TRIM72: variants seen among roughly 807,000 people sequenced by gnomAD.
The protein encoded by TRIM72 is tripartite motif-containing protein 72.
Under a neutral mutation model 31.6 loss-of-function variants are expected in TRIM72, and 33 were observed. The ratio of observed to expected loss-of-function variants is 1.04; its 90% CI spans 0.79 to 1.40. The LOEUF (loss-of-function observed/expected upper bound fraction) is 1.40, where lower values mean the gene tolerates loss of function less well. TRIM72 is among the 40% of genes most tolerant of loss of function. TRIM72 has a pLI of 0.00. For missense variants in TRIM72, 666 were observed against 682.7 expected, an observed-to-expected ratio of 0.98 and a Z score of 0.27; for synonymous variants, 301 against 314.4, an observed-to-expected ratio of 0.96 and a Z score of 0.45.
Position 31,216,730 on chromosome 16 carries a change from C to T in TRIM72, c.390+1602C>T, listed in dbSNP as rs533900923. ...TTGGCGAGGAAGCGGGGTTGGGTCC[C>T]GAGATCACGTACCAGCTCAGAGTGG... On this transcript the variant is annotated intron_variant, in intron 2 of 6. Transcript: ENST00000322122. The surrounding 1 kb of genome is among the most constrained non-coding windows in gnomAD (Gnocchi z 6.7). 4.4e-5 allele frequency: 70 copies of T among 1,577,298 alleles called. No homozygotes were observed. The South Asian group carries it at 7.9e-4, about 18-fold the overall frequency.
At position 31,214,764 on chromosome 16, in the gene TRIM72, A is replaced by T. The variant is rs1306014013; in HGVS notation, c.26A>T (p.His9Leu). 1 of 1,578,134 alleles carries T rather than the reference A, an allele frequency of 6.3e-7. No individual in the cohort carries two copies. Among genetic ancestry groups the T allele is most frequent in the Non-Finnish European group, 8.5e-7 (1 of 1,172,044 alleles). Reference protein sequence around the residue: MSAAPGLLHQELSCPLCLQ... With the variant: MSAAPGLLLQELSCPLCLQ... ...ATGTCGGCTGCGCCCGGCCTCCTGC[A>T]CCAGGAGCTGTCCTGCCCGCTGTGC... Residue 9 changes from histidine to leucine, a missense_variant, in exon 2 of 7, where the codon CAC becomes CTC. His to Leu is a moderately conservative substitution (Grantham distance 99). Transcript: ENST00000322122.
Position 31,219,593 on chromosome 16 carries a change from T to C in TRIM72, c.717+74T>C. On this transcript the variant is annotated intron_variant, in intron 4 of 6. Coordinates refer to ENST00000322122, the MANE Select transcript of TRIM72 (RefSeq NM_001008274.4). The surrounding 1 kb of genome is among the most constrained non-coding windows in gnomAD (Gnocchi z 4.2). ...CCAGAGACCTCATCCCATTGTCAGA[T>C]AGGCCCAGAGAGGGGCAGGGATAAG... 4.3e-6 allele frequency: 6 copies of C among 1,393,040 alleles called. No homozygotes were observed. Among genetic ancestry groups the C allele is most frequent in the Non-Finnish European group, 4.9e-6 (5 of 1,013,282 alleles). The allele number at this position is 1,393,040 out of a possible 1,614,324, so 86.3% of individuals were successfully genotyped here.
At chr16:31,223,958 A>G (rs936732208) in intron 6 of TRIM72, among the ~76,000 whole-genome samples, 1 of 152,148 alleles carries the variant, frequency 6.6e-6, no homozygotes, top group Non-Finnish European at 1.5e-5. Context: ...CAACAAAAAC[A>G]AAAAGAAAAT....
At position 31,215,011 on chromosome 16, in the gene TRIM72, C is replaced by G. The variant is rs2079500509; in HGVS notation, c.273C>G (p.Asp91Glu). 6.6e-7 allele frequency: 1 copy of G among 1,504,064 alleles called. No homozygotes were observed. Among genetic ancestry groups the G allele is most frequent in the Non-Finnish European group, 8.8e-7 (1 of 1,134,750 alleles). 93.2% of individuals were successfully genotyped at this position (1,504,064 alleles called of 1,614,324 possible). A position where few individuals can be genotyped will look rare whatever the true frequency, so the allele number is the denominator to read the frequency against. The change falls in exon 2 of 7, where the codon GAC becomes GAG. Residue 91 changes from aspartate to glutamate, a missense_variant. By Grantham distance (45) the Asp-to-Glu change is conservative. Coordinates refer to ENST00000322122, the MANE Select transcript of TRIM72 (RefSeq NM_001008274.4). The surrounding 1 kb of genome is among the most constrained non-coding windows in gnomAD (Gnocchi z 6.3). ...AGGGCCACTGCGAGGAGCACCTGGA[C>G]CCGCTGAGCATCTACTGCGAGCAGG... The part of the protein sequence containing the change: ...VPQGHCEEHL[D>E]PLSIYCEQDR...
rs970281310 is a variant in TRIM72, at chr16:31,219,474, G to A, written c.672G>A (p.Lys224=). 6.2e-7 allele frequency: 1 copy of A among 1,611,042 alleles called. No homozygotes were observed. Among genetic ancestry groups the A allele is most frequent in the Non-Finnish European group, 8.5e-7 (1 of 1,179,088 alleles). ...SYLEQLRQME[K]VLEEVADKPQ... is the part of the protein sequence containing the mutation. ...TGGAGCAGCTGCGGCAGATGGAGAAGGTCCTGGAGGAGGTGGCGGACAAGC... is the reference window on the plus strand; with the variant it reads ...TGGAGCAGCTGCGGCAGATGGAGAAAGTCCTGGAGGAGGTGGCGGACAAGC... Residue 224 remains lysine, a synonymous_variant, in exon 4 of 7, where the codon AAG becomes AAA. Transcript: ENST00000322122. This position sits in a 1 kb window ranked among gnomAD's most constrained non-coding sequence, Gnocchi z 4.2.
chr16:31,224,444 G>C lies in TRIM72; in HGVS notation c.1123G>C (p.Val375Leu). The change falls in exon 7 of 7, where the codon GTG becomes CTG. Residue 375 changes from valine (V) to leucine (L), a missense_variant. By Grantham distance (32) the Val-to-Leu change is conservative. Transcript: ENST00000322122. ...CCCCCGCCGCGGGCGCCTGCACGCGGTGCCCTCGCAGGGCCTGTGGCTGCT... is the reference window on the plus strand; with the variant it reads ...CCCCCGCCGCGGGCGCCTGCACGCGCTGCCCTCGCAGGGCCTGTGGCTGCT... ...EAPRRGRLHA[V>L]PSQGLWLLGL... 7.0e-7 allele frequency: 1 copy of C among 1,438,196 alleles called. No homozygotes were observed. Among genetic ancestry groups the C allele is most frequent in the African/African-American group, 1.5e-5 (1 of 66,252 alleles). The allele number at this position is 1,438,196 out of a possible 1,614,324, so 89.1% of individuals were successfully genotyped here.
chr16:31,217,106 C>A (rs544084252), intron 2 of TRIM72: 2 of 1,441,472 alleles, frequency 1.4e-6, no homozygotes, highest in Non-Finnish European at 1.9e-6. Flanking sequence ...GTGGAGCTGC[C>A]GCCCCCGGGG....
chr16:31,218,849 C>T (rs2079520939), intron 2 of TRIM72, among the ~76,000 whole-genome samples: 1 of 151,776 alleles, frequency 6.6e-6, no homozygotes, highest in African/African-American at 2.4e-5. Flanking sequence ...GACCCTGTCT[C>T]AAAACAAAAC....
rs2079546132 is a variant in TRIM72, at chr16:31,224,309, A to C, written c.988A>C (p.Lys330Gln). 3.1e-6 allele frequency: 5 copies of C among 1,601,074 alleles called. No individual in the cohort carries two copies. In the South Asian group the frequency reaches 4.4e-5, roughly 14 times the overall value. Residue 330 changes from lysine (K) to glutamine (Q), a missense_variant, in exon 7 of 7, where the codon AAG (lysine) becomes CAG (glutamine). By Grantham distance (53) the Lys-to-Gln change is moderately conservative. Transcript: ENST00000322122. ...CGGGGAGGACCCGCGCCAGTTCGAC[A>C]AGGCGGTGGCGGTGGTGGCGCACCA... ...PAGEDPRQFD[K>Q]AVAVVAHQQL...
chr16:31,218,921 C>T (rs1035832380), intron 2 of TRIM72, among the ~76,000 whole-genome samples, 174 bp from the exon 3 acceptor site: 6 of 152,034 alleles, frequency 3.9e-5, no homozygotes, highest in Non-Finnish European at 5.9e-5. Context: ...AGCATTCGGA[C>T]CTCAGGAGTA....
rs1363734137 is a variant in TRIM72, at chr16:31,215,695, T to C, written c.390+567T>C. 2.0e-5 allele frequency among the ~76,000 whole-genome samples: 3 copies of C among 152,058 alleles called. No homozygotes were observed. Among genetic ancestry groups the C allele is most frequent in the South Asian group, 2.1e-4 (1 of 4,828 alleles). The stretch of plus-strand genomic sequence containing the variant: ...GGCGGGGCCTCACCAGAAGGGAGAC[T>C]GTAAGGGCTAGGCAGCCGGGATCTG... On this transcript the variant is annotated intron_variant, in intron 2 of 6. Coordinates refer to ENST00000322122, the MANE Select transcript of TRIM72 (RefSeq NM_001008274.4). This position sits in a 1 kb window ranked among gnomAD's most constrained non-coding sequence, Gnocchi z 6.3.
chr16:31,222,191 G>A (rs980425220), intron 5 of TRIM72, among the ~76,000 whole-genome samples: 2 of 152,090 alleles, frequency 1.3e-5, no homozygotes, highest in Non-Finnish European at 2.9e-5. Context: ...TCAGCAGTTC[G>A]AGACTAGCCT....
In TRIM72 at chr16:31,224,484, G is replaced by A. The variant is rs1420037120; in HGVS notation, c.1163G>A (p.Gly388Asp). Reference protein sequence around the residue: ...QGLWLLGLREGKILEAHVEAK... With the variant: ...QGLWLLGLREDKILEAHVEAK... ...CTGTGGCTGCTGGGGCTGCGCGAGG[G>A]CAAGATCCTGGAGGCACACGTGGAG... The change falls in exon 7 of 7, where the codon GGC (glycine) becomes GAC (aspartate). Residue 388 changes from glycine (G) to aspartate (D), a missense_variant. Gly to Asp is a moderately conservative substitution (Grantham distance 94). Transcript: ENST00000322122. The A allele has an allele frequency of 1.3e-6, 2 of 1,482,024 alleles. No homozygotes were observed. Among genetic ancestry groups the A allele is most frequent in the South Asian group, 1.3e-5 (1 of 76,388 alleles). 91.8% of individuals were successfully genotyped at this position (1,482,024 alleles called of 1,614,324 possible).
At chr16:31,220,856 C>T in intron 4 of TRIM72, 40 bp from the exon 5 acceptor site, 2 of 1,614,104 alleles carry the variant, frequency 1.2e-6, no homozygotes, top group South Asian at 2.2e-5. Context: ...AGTGTCCCCA[C>T]CATCGGCTTC....
intron 5 of TRIM72, 68 bp from the exon 6 acceptor site, chr16:31,222,759 T>A: frequency 1.3e-6 from 1 of 777,046 alleles, no homozygotes; most frequent in Non-Finnish European, 2.0e-6. Context: ...TGTGGGGAGA[T>A]CCTGGAATCC....
At position 31,224,654 on chromosome 16, in the gene TRIM72, C is replaced by T. The variant is rs764854421; in HGVS notation, c.1333C>T (p.Leu445=). The T allele has an allele frequency of 1.7e-5, 26 of 1,547,962 alleles. No homozygotes were observed. Among genetic ancestry groups the T allele is most frequent in the Non-Finnish European group, 2.3e-5 (26 of 1,153,540 alleles). ...GCCGCTTTTTGCCTTCCACGAGCGC[C>T]TGCCCAGGCCCGTGTACCCCTTCTT... ...LVPLFAFHER[L]PRPVYPFFDV... Residue 445 remains leucine (L), a synonymous_variant, in exon 7 of 7, where the codon CTG becomes TTG. Coordinates refer to ENST00000322122, the MANE Select transcript of TRIM72 (RefSeq NM_001008274.4).
In TRIM72 at chr16:31,214,843, C is replaced by A. The variant is rs1202406293; in HGVS notation, c.105C>A (p.Arg35=). 6.4e-7 allele frequency: 1 copy of A among 1,550,452 alleles called. No individual in the cohort carries two copies. The highest frequency in any genetic ancestry group is 1.8e-5 in the Admixed American group (1 of 54,258). ...VTAECGHSFC[R]ACLGRVAGEP... ...CCGAGTGCGGCCACAGTTTCTGCCG[C>A]GCCTGCCTAGGCCGCGTGGCCGGGG... is the stretch of plus-strand genomic sequence containing the variant. Residue 35 remains arginine, a synonymous_variant, in exon 2 of 7, where the codon CGC becomes CGA. Transcript: ENST00000322122.
At position 31,224,652 on chromosome 16, in the gene TRIM72, G is replaced by A. The variant is rs763394921; in HGVS notation, c.1331G>A (p.Arg444His). 55 of 1,546,986 alleles carry A rather than the reference G, an allele frequency of 3.6e-5. No individual in the cohort carries two copies. Among genetic ancestry groups the A allele is most frequent in the Non-Finnish European group, 4.4e-5 (51 of 1,153,092 alleles). ...GTGCCGCTTTTTGCCTTCCACGAGC[G>A]CCTGCCCAGGCCCGTGTACCCCTTC... is the stretch of plus-strand genomic sequence containing the variant. ...ALVPLFAFHERLPRPVYPFFD... is the reference protein window; with the variant it reads ...ALVPLFAFHEHLPRPVYPFFD... Residue 444 changes from arginine (R) to histidine (H), a missense_variant, in exon 7 of 7, where the codon CGC becomes CAC. Coordinates refer to ENST00000322122, the MANE Select transcript of TRIM72 (RefSeq NM_001008274.4).
chr16:31,219,262 C>T lies in TRIM72; in HGVS notation c.487-27C>T. On this transcript the variant is annotated intron_variant, in intron 3 of 6. Coordinates refer to ENST00000322122, the MANE Select transcript of TRIM72 (RefSeq NM_001008274.4). This position sits in a 1 kb window ranked among gnomAD's most constrained non-coding sequence, Gnocchi z 4.2. ...GGGTCTCCAGCCAAGAGTCTTTATC[C>T]CTTCAATCACTGCCCCATCCCTGCA... 1.2e-6 allele frequency: 2 copies of T among 1,614,126 alleles called. No homozygotes were observed. The highest frequency in any genetic ancestry group is 2.2e-5 in the East Asian group (1 of 44,888).
Sources: gnomAD v4.1 joint callset for allele counts (sites outside exome capture counted in the v4.1 genomes callset) on GRCh38, gnomAD v4.1.1 for gene constraint, Gnocchi (gnomAD v3.1) non-coding constraint, MANE v1.5 for transcripts, NCBI Gene and HGNC (gene_info 2026-07-23, HGNC 2026-07-21) for gene names.